The following CCDC102B variants were observed in gnomAD, a reference collection of about 807,000 sequenced individuals.
CCDC102B encodes the protein coiled-coil domain containing 102B, also known as coiled-coil domain-containing protein 102B.
A neutral mutation model predicts 57.4 loss-of-function variants in CCDC102B; 75 were observed. The observed-to-expected ratio is 1.31, with a 90% CI of 1.08 to 1.58. The LOEUF is 1.58. CCDC102B is among the 40% of genes most tolerant of loss of function. The pLI is 0.00. For synonymous variants in CCDC102B, 206 were observed against 201.9 expected (o/e 1.02, Z -0.17); for missense variants, 636 against 582.6 (o/e 1.09, Z -0.94).
Position 68,857,301 on chromosome 18 carries a change from AT to A in CCDC102B, c.936+10881del, listed in dbSNP as rs1477386429. Among the ~76,000 whole-genome samples, 6 of 3,744 alleles carry A rather than the reference AT, an allele frequency of 1.6e-3. 1 individual carries two copies. The highest frequency in any genetic ancestry group is 3.9e-3 in the African/African-American group (5 of 1,296). The allele number at this position is 3,744 out of a possible 152,430, so 2.5% of individuals were successfully genotyped here. On this transcript the variant is annotated intron_variant, in intron 4 of 7. Transcript: ENST00000360242. ...TAATATATATTTATATATTATATAT[AT>A]AATATATATTTATATATTATATATA...
chr18:68,899,442 T>TATAC (rs1555722828), intron 6 of CCDC102B, among the ~76,000 whole-genome samples: 5 of 151,990 alleles, frequency 3.3e-5, no homozygotes, highest in South Asian at 2.1e-4. Flanking sequence ...TATATATATA[T>TATAC]ACACACACCA....
chr18:68,876,545 G>A (rs998810182), intron 5 of CCDC102B, among the ~76,000 whole-genome samples: 4 of 152,158 alleles, frequency 2.6e-5, no homozygotes, highest in African/African-American at 9.7e-5. Context: ...GTCACAGTAG[G>A]TGTTGATCTG....
intron 2 of CCDC102B, chr18:68,721,011 C>T (rs2032296133): frequency 6.6e-6 from 1 of 152,218 alleles, no homozygotes; most frequent in Non-Finnish European, 1.5e-5. Context: ...GAATTTGAGG[C>T]TACAGTGAAC....
At chr18:68,938,600 A>G (rs1444303525) in intron 6 of CCDC102B, among the ~76,000 whole-genome samples, 1 of 151,910 alleles carries the variant, frequency 6.6e-6, no homozygotes, top group Non-Finnish European at 1.5e-5. Flanking sequence ...ATTCATCAAT[A>G]TGAAAATTAG....
chr18:68,765,350 AAAGAAAGAAAGAAAG>A (rs2034418778), intron 2 of CCDC102B, among the ~76,000 whole-genome samples: 5 of 142,570 alleles, frequency 3.5e-5, no homozygotes, highest in South Asian at 2.2e-4. Flanking sequence ...AGAAAGAAAG[AAAGAAAGAAAGAAAG>A]AAAGAAAGAA....
chr18:68,988,451 T>C (rs1052485893), intron 6 of CCDC102B, among the ~76,000 whole-genome samples: 2 of 151,798 alleles, frequency 1.3e-5, no homozygotes, highest in African/African-American at 2.4e-5. Context: ...CTATTCTCAC[T>C]ACTTCGGTGG....
downstream of CCDC102B, among the ~76,000 whole-genome samples, chr18:69,057,173 C>T (rs112827995): frequency 6.4e-4 from 97 of 152,130 alleles, no homozygotes; most frequent in African/African-American, 2.2e-3. Flanking sequence ...TAAACCAATA[C>T]TACATATTTT....
intron 1 of CCDC102B, among the ~76,000 whole-genome samples, chr18:68,819,360 A>G (rs1046798295): frequency 1.3e-5 from 2 of 152,068 alleles, no homozygotes; most frequent in African/African-American, 2.4e-5. Context: ...ATAATTTCAC[A>G]TACTGAAGTG....
chr18:68,951,637 G>A (rs890078218), intron 6 of CCDC102B, among the ~76,000 whole-genome samples: 28 of 151,856 alleles, frequency 1.8e-4, no homozygotes, highest in African/African-American at 5.8e-4. Flanking sequence ...GTGAAACCCC[G>A]TCTCTACTAA....
At chr18:68,925,673 T>C (rs2041452741) in intron 6 of CCDC102B, among the ~76,000 whole-genome samples, 2 of 152,022 alleles carry the variant, frequency 1.3e-5, no homozygotes, top group African/African-American at 4.8e-5. Context: ...TATAGGTGGT[T>C]ACTAATTCAG....
At chr18:68,735,843 A>G (rs771717719) in intron 2 of CCDC102B, among the ~76,000 whole-genome samples, 1 of 152,192 alleles carries the variant, frequency 6.6e-6, no homozygotes, top group Non-Finnish European at 1.5e-5. Context: ...GTTCTAACTG[A>G]ATGTTTTTAT....
chr18:68,957,837 A>G (rs879539097), intron 6 of CCDC102B, among the ~76,000 whole-genome samples: 1 of 151,982 alleles, frequency 6.6e-6, no homozygotes, highest in Admixed American at 6.6e-5. Flanking sequence ...TCTTTGGTTA[A>G]TTCCTAGACT....
chr18:68,881,949 T>A (rs1480774835), intron 5 of CCDC102B, among the ~76,000 whole-genome samples: 3 of 152,156 alleles, frequency 2.0e-5, no homozygotes, highest in Non-Finnish European at 4.4e-5. Flanking sequence ...TATGCTAGAC[T>A]CCTAAGCAAA....
chr18:68,974,754 A>G (rs983876923), intron 6 of CCDC102B, among the ~76,000 whole-genome samples: 2 of 151,946 alleles, frequency 1.3e-5, no homozygotes, highest in African/African-American at 4.8e-5. Context: ...TAAAATTGAC[A>G]TTAAATTTAA....
chr18:68,827,409 C>T lies in CCDC102B; in HGVS notation c.-15-9340C>T, dbSNP rs116727545. Among the ~76,000 whole-genome samples, 1,210 of 152,108 alleles carry T rather than the reference C, an allele frequency of 8.0e-3. 20 individuals are homozygous for T. Among genetic ancestry groups the T allele is most frequent in the African/African-American group, 0.028 (1,148 of 41,510 alleles). On this transcript the variant is annotated intron_variant, in intron 1 of 7. Transcript: ENST00000360242. ...AAAGAGAAATAAGTTTTCCATACTT[C>T]ACTTGAAGTGATGAAATGTTGATTT...
At chr18:68,846,285 T>C (rs1555712426) in intron 3 of CCDC102B, 28 bp from the exon 4 acceptor site, 1 of 1,411,106 alleles carries the variant, frequency 7.1e-7, no homozygotes, top group South Asian at 1.7e-5. Flanking sequence ...AAGCCGACTT[T>C]TTTTCTTTTA....
chr18:68,917,751 CTTGT>C (rs1434723232), intron 6 of CCDC102B, among the ~76,000 whole-genome samples: 1 of 152,100 alleles, frequency 6.6e-6, no homozygotes, highest in Admixed American at 6.5e-5. Context: ...CTGAAAATTA[CTTGT>C]TTATTATTTA....
intron 6 of CCDC102B, among the ~76,000 whole-genome samples, chr18:68,921,376 A>G (rs953113987): frequency 4.1e-4 from 62 of 152,176 alleles, no homozygotes; most frequent in Admixed American, 2.6e-4. Context: ...GATTAACTGT[A>G]TGTCTATGGT....
At chr18:68,852,141 C>T (rs2038156968) in intron 4 of CCDC102B, among the ~76,000 whole-genome samples, 1 of 152,116 alleles carries the variant, frequency 6.6e-6, no homozygotes, top group Admixed American at 6.6e-5. Context: ...TCCCTCTCCC[C>T]CACTATGTAC....
Sources: gnomAD v4.1 joint callset for allele counts (sites outside exome capture counted in the v4.1 genomes callset) on GRCh38, gnomAD v4.1.1 for gene constraint, MANE v1.5 for transcripts, NCBI Gene and HGNC (gene_info 2026-07-23, HGNC 2026-07-21) for gene names.